Variants in IKBKG observed in about 807,000 individuals in gnomAD.
The protein encoded by IKBKG is NF-kappa-B essential modulator.
IKBKG carries 2 observed loss-of-function variants against 13.7 expected under a neutral mutation model. The observed-to-expected ratio is 0.15, with a 90% CI of 0.06 to 0.46. The LOEUF (loss-of-function observed/expected upper bound fraction) is 0.46. IKBKG is among the 20% of genes least tolerant of loss of function. IKBKG has a pLI of 0.98. For missense variants in IKBKG, 53 were observed against 150.3 expected (o/e 0.35, Z 3.39); for synonymous variants, 22 against 64.4 (o/e 0.34, Z 3.15).
upstream of IKBKG, among the ~76,000 whole-genome samples, chrX:154,542,961 C>T (rs1246087133): frequency 8.9e-6 from 1 of 112,143 alleles, no homozygotes. Flanking sequence ...CAATCGCTGT[C>T]TGCTCAATGA....
chrX:154,546,746 C>T (rs1479178430), upstream of IKBKG: 3 of 1,044,829 alleles, frequency 2.9e-6, no homozygotes, highest in Non-Finnish European at 3.9e-6. Context: ...CAGCGCGGGA[C>T]AGTACGCTCC....
chrX:154,551,112 ATT>A (rs55905799), intron 1 of IKBKG, among the ~76,000 whole-genome samples: 8 of 88,373 alleles, frequency 9.1e-5, no homozygotes, highest in Non-Finnish European at 8.8e-5. Flanking sequence ...GTGACCGGCA[ATT>A]TTTTTTTTTT....
Position 154,547,664 on chromosome X carries a change from C to T in IKBKG, c.-97C>T. ...GGGAAGGGCGACCGCGAAACTGGGA[C>T]TTTCTCGGAGCGCCGGGGCCCTACC... On this transcript the variant is annotated 5_prime_UTR_variant, in exon 1 of 10. Transcript: ENST00000594239. 2.6e-6 allele frequency: 2 copies of T among 755,062 alleles called. No individual in the cohort carries two copies. The highest frequency in any genetic ancestry group is 3.1e-6 in the Non-Finnish European group (2 of 639,473). 62.2% of individuals were successfully genotyped at this position (755,062 alleles called of 1,213,427 possible).
At chrX:154,546,933 G>A (rs2070748287), upstream of IKBKG, 1 of 525,542 alleles carries the variant, frequency 1.9e-6, no homozygotes, top group Non-Finnish European at 2.6e-6. Context: ...CGAGGCGTGC[G>A]GGGCGGGGCC....
chrX:154,546,744 G>C, upstream of IKBKG: 12 of 1,036,482 alleles, frequency 1.2e-5, no homozygotes, highest in African/African-American at 1.9e-5. Flanking sequence ...CGCAGCGCGG[G>C]ACAGTACGCT....
chrX:154,541,768 C>T (rs995036616), intron 1 of IKBKG, among the ~76,000 whole-genome samples: 1 of 112,624 alleles, frequency 8.9e-6, no homozygotes, highest in Non-Finnish European at 1.9e-5. Context: ...GATCTCTAGC[C>T]ACCAACATCT....
At chrX:154,545,869 C>T, upstream of IKBKG, 1 of 543,623 alleles carries the variant, frequency 1.8e-6, no homozygotes, top group Non-Finnish European at 3.0e-6. Context: ...CTTGCAAGTG[C>T]ATATGCACAC....
upstream of IKBKG, chrX:154,547,421 G>A (rs2070774811): frequency 1.3e-6 from 1 of 755,197 alleles, no homozygotes; most frequent in Non-Finnish European, 1.6e-6. Context: ...ACGAGGGGGC[G>A]TGTAGGCGGT....
intron 1 of IKBKG, among the ~76,000 whole-genome samples, chrX:154,550,305 C>T (rs1267418410): frequency 2.0e-5 from 2 of 102,438 alleles, no homozygotes; most frequent in Non-Finnish European, 4.0e-5. Flanking sequence ...TCAAAAAAGA[C>T]TTTTGACAGC....
At position 154,551,973 on chromosome X, in the gene IKBKG, G is replaced by T; in HGVS notation, c.-15-15G>T. ...GTGGGTCTCCTGTGACTCCCCTGCT[G>T]CCTTTCTCTTTCAGCCCTTGCCCTG... On this transcript the variant is annotated splice_polypyrimidine_tract_variant and intron_variant, in intron 1 of 9. Transcript: ENST00000594239. The T allele has an allele frequency of 9.5e-7, 1 of 1,051,325 alleles. No homozygotes were observed. The highest frequency in any genetic ancestry group is 3.4e-5 in the East Asian group (1 of 29,576). The allele number at this position is 1,051,325 out of a possible 1,213,427, so 86.6% of individuals were successfully genotyped here.
chrX:154,542,862 G>A (rs1000300912), upstream of IKBKG, among the ~76,000 whole-genome samples: 7 of 112,174 alleles, frequency 6.2e-5, no homozygotes, highest in South Asian at 1.5e-3. Flanking sequence ...ACTCTTGCTG[G>A]TCTGCTTACT....
chrX:154,552,286 T>A (rs1384354493), intron 2 of IKBKG, 97 bp downstream of exon 2: 4 of 698,398 alleles, frequency 5.7e-6, no homozygotes, highest in Non-Finnish European at 8.2e-6. Context: ...GGGGATGTGC[T>A]GCCCTCCCTC....
At chrX:154,550,330 G>T (rs782425281) in intron 1 of IKBKG, among the ~76,000 whole-genome samples, 1 of 101,302 alleles carries the variant, frequency 9.9e-6, no homozygotes, top group African/African-American at 3.6e-5. Flanking sequence ...GGATGGATTC[G>T]CCATCAGCTG....
intron 2 of IKBKG, among the ~76,000 whole-genome samples, chrX:154,554,970 A>G (rs1184850520): frequency 9.0e-6 from 1 of 111,130 alleles, no homozygotes; most frequent in Non-Finnish European, 1.9e-5. Context: ...GTCACCTCAG[A>G]TGGCTTCTTC....
At chrX:154,546,419 G>A (rs1010835196), upstream of IKBKG, among the ~76,000 whole-genome samples, 5 of 112,293 alleles carry the variant, frequency 4.5e-5, no homozygotes, top group Non-Finnish European at 9.4e-5. Flanking sequence ...GGTGTATTCC[G>A]ACTACAGCAT....
chrX:154,546,268 T>G (rs934121695), upstream of IKBKG: 4 of 1,045,612 alleles, frequency 3.8e-6, no homozygotes, highest in Non-Finnish European at 5.3e-6. Context: ...GGGTGACACC[T>G]GATTGCCCAA....
At chrX:154,542,082 G>C (rs1463856746) in intron 1 of IKBKG, among the ~76,000 whole-genome samples, 3 of 112,412 alleles carry the variant, frequency 2.7e-5, no homozygotes, top group Non-Finnish European at 5.6e-5. Context: ...GCTATACCCG[G>C]GGGCTCATGA....
intron 2 of IKBKG, 92 bp from the exon 3 acceptor site, chrX:154,556,073 C>T: frequency 1.1e-6 from 1 of 874,568 alleles, no homozygotes; most frequent in Non-Finnish European, 1.6e-6. Flanking sequence ...CTTCTGGCCT[C>T]TGACTTCCTG....
At chrX:154,545,814 G>A (rs900274293), upstream of IKBKG, 6 of 375,355 alleles carry the variant, frequency 1.6e-5, no homozygotes, top group Non-Finnish European at 2.7e-5. Context: ...CATCCTGGGC[G>A]ACCAGAGCAA....
Sources: gnomAD v4.1 joint callset for allele counts (sites outside exome capture counted in the v4.1 genomes callset) on GRCh38, gnomAD v4.1.1 for gene constraint, MANE v1.5 for transcripts, NCBI Gene and HGNC (gene_info 2026-07-23, HGNC 2026-07-21) for gene names.